The following NANP variants were observed in gnomAD, a reference collection of about 807,000 sequenced individuals.
NANP encodes N-acetylneuraminic acid phosphatase.
A neutral mutation model predicts 16.9 loss-of-function variants in NANP; 15 were observed. That is an observed-to-expected ratio of 0.89 (90% CI 0.59 to 1.37). The LOEUF is 1.37. Ranked by LOEUF, NANP falls within the 40% of genes most tolerant of loss-of-function variation. NANP has a pLI of 0.00. For missense variants in NANP, 290 were observed against 303.5 expected, an observed-to-expected ratio of 0.96 and a Z score of 0.33; for synonymous variants, 135 against 112.6, an observed-to-expected ratio of 1.20 and a Z score of -1.26.
In NANP at chr20:25,613,761, T is replaced by A. The variant is rs1253789403; in HGVS notation, c.*2164A>T. Reference sequence around the variant, plus strand: ...AATTATTCAATTTTTTCCTTCTACATCATTTCTGCTGGAGAACTGCTCACT... The same window carrying A: ...AATTATTCAATTTTTTCCTTCTACAACATTTCTGCTGGAGAACTGCTCACT... On this transcript the variant is annotated 3_prime_UTR_variant, in exon 2 of 2. Transcript: ENST00000304788. 2 of 398,422 alleles carry A rather than the reference T, an allele frequency of 5.0e-6. No homozygotes were observed. Among genetic ancestry groups the A allele is most frequent in the African/African-American group, 4.1e-5 (2 of 48,620 alleles). 24.7% of individuals were successfully genotyped at this position (398,422 alleles called of 1,614,324 possible).
intron 1 of NANP, among the ~76,000 whole-genome samples, chr20:25,620,379 T>A (rs1373185470): frequency 6.6e-6 from 1 of 152,198 alleles, no homozygotes; most frequent in Non-Finnish European, 1.5e-5. Context: ...TAGATCAATA[T>A]GAACTCAAAC....
In NANP at chr20:25,616,526, C is replaced by T; in HGVS notation, c.146G>A (p.Cys49Tyr). Reference sequence around the variant, plus strand: ...GCTGAGTTTAACTTGAACTTTATCACAGATGATTTCAGCCTCTTCTTTATA... The same window carrying T: ...GCTGAGTTTAACTTGAACTTTATCATAGATGATTTCAGCCTCTTCTTTATA... ...YHYKEEAEII[C>Y]DKVQVKLSKE... is the part of the protein sequence containing the mutation. Residue 49 changes from cysteine to tyrosine, a missense_variant, in exon 2 of 2, where the codon TGT (cysteine) becomes TAT (tyrosine). Transcript: ENST00000304788. 6.2e-7 allele frequency: 1 copy of T among 1,611,278 alleles called. No homozygotes were observed.
At position 25,623,981 on chromosome 20, in the gene NANP, C is replaced by T. The variant is rs762567792; in HGVS notation, c.-33G>A. ...GCCGCTGGCGCGAACCGTAGCCTTG[C>T]CACCGCCGCCTGCGCATGCGCAAGG... On this transcript the variant is annotated 5_prime_UTR_variant, in exon 1 of 2. The change creates a premature stop within an existing upstream ORF in the 5' untranslated region. Coordinates refer to ENST00000304788, the MANE Select transcript of NANP (RefSeq NM_152667.3). The T allele has an allele frequency of 1.2e-6, 2 of 1,602,918 alleles. No individual in the cohort carries two copies. Among genetic ancestry groups the T allele is most frequent in the Admixed American group, 1.7e-5 (1 of 58,512 alleles).
At chr20:25,621,835 G>C (rs970220890) in intron 1 of NANP, among the ~76,000 whole-genome samples, 1 of 152,172 alleles carries the variant, frequency 6.6e-6, no homozygotes, top group Non-Finnish European at 1.5e-5. Flanking sequence ...TTACAGGCGT[G>C]AGCCACCGCG....
intron 1 of NANP, among the ~76,000 whole-genome samples, chr20:25,618,557 C>T (rs111785786): frequency 2.0e-4 from 31 of 152,094 alleles, no homozygotes; most frequent in African/African-American, 5.5e-4. Context: ...TATATTCACT[C>T]GCCAGTGGCT....
At position 25,613,431 on chromosome 20, in the gene NANP, G is replaced by A. The variant is rs1447511285; in HGVS notation, c.*2494C>T. ...CCAGGTGCAGTGTCCATTCATGTCT[G>A]TTCTAGGCCCACCTCTGTAAGCAGT... On this transcript the variant is annotated 3_prime_UTR_variant, in exon 2 of 2. Transcript: ENST00000304788. 1 of 159,152 alleles carries A rather than the reference G, an allele frequency of 6.3e-6. No individual in the cohort carries two copies. Among genetic ancestry groups the A allele is most frequent in the Non-Finnish European group, 1.4e-5 (1 of 72,968 alleles). 9.9% of individuals were successfully genotyped at this position (159,152 alleles called of 1,614,324 possible). A position where few individuals can be genotyped will look rare whatever the true frequency, so the allele number is the denominator to read the frequency against.
At position 25,613,353 on chromosome 20, in the gene NANP, C is replaced by T. The variant is rs532408088; in HGVS notation, c.*2572G>A. On this transcript the variant is annotated 3_prime_UTR_variant, in exon 2 of 2. Coordinates refer to ENST00000304788, the MANE Select transcript of NANP (RefSeq NM_152667.3). ...ACTCCCAGATCTGAGATGTTCGTGCCTTGTATGTGGAGGTGCACATGGAAC... is the reference window on the plus strand; with the variant it reads ...ACTCCCAGATCTGAGATGTTCGTGCTTTGTATGTGGAGGTGCACATGGAAC... The T allele has an allele frequency of 6.6e-6, 1 of 152,596 alleles. No individual in the cohort carries two copies. The highest frequency in any genetic ancestry group is 2.4e-5 in the African/African-American group (1 of 41,440). The allele number at this position is 152,596 out of a possible 1,614,324, so 9.5% of individuals were successfully genotyped here.
intron 1 of NANP, among the ~76,000 whole-genome samples, chr20:25,620,907 A>G (rs2065362322): frequency 6.6e-6 from 1 of 151,802 alleles, no homozygotes; most frequent in East Asian, 1.9e-4. Context: ...TATAAACTGC[A>G]TTCTTTTTAC....
At chr20:25,619,042 A>G (rs567269890) in intron 1 of NANP, among the ~76,000 whole-genome samples, 2 of 151,542 alleles carry the variant, frequency 1.3e-5, no homozygotes, top group Admixed American at 1.3e-4. Flanking sequence ...CACACCAAAA[A>G]CTCAACTCAC....
At position 25,616,300 on chromosome 20, in the gene NANP, C is replaced by T; in HGVS notation, c.372G>A (p.Glu124=). The change falls in exon 2 of 2, where the codon GAG becomes GAA. Residue 124 remains glutamate, a synonymous_variant. Coordinates refer to ENST00000304788, the MANE Select transcript of NANP (RefSeq NM_152667.3). ...CATTCGTTAATAGAAGTAGGCGGAC[C>T]TCCTTTCGAAGTTCAGTAAGCATGG... ...VKAMLTELRK[E]VRLLLLTNGD... is the part of the protein sequence containing the mutation. 1 of 1,614,166 alleles carries T rather than the reference C, an allele frequency of 6.2e-7. No individual in the cohort carries two copies. The highest frequency in any genetic ancestry group is 8.5e-7 in the Non-Finnish European group (1 of 1,180,022).
intron 1 of NANP, among the ~76,000 whole-genome samples, chr20:25,623,615 G>C (rs2065376801): frequency 6.6e-6 from 1 of 152,178 alleles, no homozygotes; most frequent in African/African-American, 2.4e-5. Context: ...GAGCGCCAAG[G>C]CACCTGCGAG....
At chr20:25,622,737 T>C (rs931004081) in intron 1 of NANP, among the ~76,000 whole-genome samples, 1 of 152,206 alleles carries the variant, frequency 6.6e-6, no homozygotes, top group Non-Finnish European at 1.5e-5. Flanking sequence ...ATTTTGGGAA[T>C]GCCTAGTGAT....
At position 25,615,928 on chromosome 20, in the gene NANP, A is replaced by G; in HGVS notation, c.744T>C (p.Thr248=). 6.2e-7 allele frequency: 1 copy of G among 1,606,556 alleles called. No individual in the cohort carries two copies. The highest frequency in any genetic ancestry group is 1.7e-5 in the Admixed American group (1 of 59,100). ...TAATCATGCCCTTTTATGTGCTTTA[A>G]GTGGACATACTGACTTTGCAGTCTA... ...QSIDCKVSMS[T] is the part of the protein sequence containing the mutation. The change falls in exon 2 of 2, where the codon ACT becomes ACC. Residue 248 remains threonine (T), a synonymous_variant. Transcript: ENST00000304788.
intron 1 of NANP, among the ~76,000 whole-genome samples, chr20:25,623,616 C>A (rs751220395): frequency 1.3e-5 from 2 of 152,226 alleles, no homozygotes; most frequent in African/African-American, 4.8e-5. Flanking sequence ...AGCGCCAAGG[C>A]ACCTGCGAGC....
In NANP at chr20:25,613,201, G is replaced by A. The variant is rs2065328905; in HGVS notation, c.*2724C>T. 2 of 152,122 alleles carry A rather than the reference G, an allele frequency of 1.3e-5. No homozygotes were observed. Among genetic ancestry groups the A allele is most frequent in the Admixed American group, 6.5e-5 (1 of 15,290 alleles). 9.4% of individuals were successfully genotyped at this position (152,122 alleles called of 1,614,324 possible). A position where few individuals can be genotyped will look rare whatever the true frequency, so the allele number is the denominator to read the frequency against. ...TACAGTGTTATCTAACACTATAAAT[G>A]TGTTAAAGAGGTTATGATAGAAAAT... On this transcript the variant is annotated 3_prime_UTR_variant, in exon 2 of 2. Coordinates refer to ENST00000304788, the MANE Select transcript of NANP (RefSeq NM_152667.3).
Position 25,614,555 on chromosome 20 carries a change from T to C in NANP, c.*1370A>G, listed in dbSNP as rs1386847478. ...CTCCTGGTAAACCCTGAATTAGATA[T>C]AGAAATTTGCAAAACAATGATATAT... On this transcript the variant is annotated 3_prime_UTR_variant, in exon 2 of 2. Transcript: ENST00000304788. 2.6e-5 allele frequency: 4 copies of C among 152,162 alleles called. No individual in the cohort carries two copies. The highest frequency in any genetic ancestry group is 4.4e-5 in the Non-Finnish European group (3 of 68,048). The allele number at this position is 152,162 out of a possible 1,614,324, so 9.4% of individuals were successfully genotyped here. A position where few individuals can be genotyped will look rare whatever the true frequency, so the allele number is the denominator to read the frequency against.
At position 25,616,215 on chromosome 20, in the gene NANP, C is replaced by A. The variant is rs771576051; in HGVS notation, c.457G>T (p.Ala153Ser). The A allele has an allele frequency of 6.2e-7, 1 of 1,614,144 alleles. No individual in the cohort carries two copies. The highest frequency in any genetic ancestry group is 8.5e-7 in the Non-Finnish European group (1 of 1,180,032). ...EACACQSYFDAVVVGGEQREE... is the reference protein window; with the variant it reads ...EACACQSYFDSVVVGGEQREE... ...CTCTGCTCTCCACCTACAACAACAG[C>A]GTCAAAATAGGACTGACAGGCACAA... Residue 153 changes from alanine to serine, a missense_variant, in exon 2 of 2, where the codon GCT (alanine) becomes TCT (serine). Physicochemically the swap from Ala to Ser is moderately conservative, Grantham distance 99. Transcript: ENST00000304788.
rs2065340666 is a variant in NANP, at chr20:25,615,798, T to C, written c.*127A>G. The C allele has an allele frequency of 3.2e-6, 3 of 924,322 alleles. No individual in the cohort carries two copies. The highest frequency in any genetic ancestry group is 1.8e-5 in the South Asian group (1 of 55,386). 57.3% of individuals were successfully genotyped at this position (924,322 alleles called of 1,614,324 possible). A position where few individuals can be genotyped will look rare whatever the true frequency, so the allele number is the denominator to read the frequency against. ...TAGGGTTGGGAAGACCTTCAAAATA[T>C]TGGCCATTAAATCATAAGTAAAATT... On this transcript the variant is annotated 3_prime_UTR_variant, in exon 2 of 2. Transcript: ENST00000304788.
At chr20:25,623,227 G>C (rs867136784) in intron 1 of NANP, among the ~76,000 whole-genome samples, 2 of 152,188 alleles carry the variant, frequency 1.3e-5, no homozygotes. Flanking sequence ...GCAGTGCCGC[G>C]GAGGAGCGCC....
Sources: allele counts gnomAD v4.1 joint callset (sites outside exome capture counted in the v4.1 genomes callset), GRCh38; gene constraint gnomAD v4.1.1; transcripts MANE v1.5; gene names NCBI Gene and HGNC (gene_info 2026-07-23, HGNC 2026-07-21).